PIK3CB: variants seen among roughly 807,000 people sequenced by gnomAD.
PIK3CB encodes phosphatidylinositol-4,5-bisphosphate 3-kinase catalytic subunit beta.
A neutral mutation model predicts 136.8 loss-of-function variants in PIK3CB; 39 were observed. The observed-to-expected ratio is 0.29, with a 90% CI of 0.22 to 0.37. The LOEUF (loss-of-function observed/expected upper bound fraction) is 0.37, where lower values mean the gene tolerates loss of function less well. Ranked by LOEUF, PIK3CB falls within the 10% of genes least tolerant of loss-of-function variation. The pLI, the probability that PIK3CB is intolerant of heterozygous loss-of-function variation, is 1.00. For synonymous variants in PIK3CB, 428 were observed against 436.6 expected (o/e 0.98, Z 0.25); for missense variants, 868 against 1,275.4 (o/e 0.68, Z 4.87).
intron 1 of PIK3CB, among the ~76,000 whole-genome samples, chr3:138,821,441 T>C (rs1054938191): frequency 7.3e-5 from 11 of 151,270 alleles, no homozygotes; most frequent in Non-Finnish European, 1.6e-4. Flanking sequence ...TATTAGACAA[T>C]ACTTGTGAGC....
intron 16 of PIK3CB, among the ~76,000 whole-genome samples, chr3:138,687,835 C>T (rs1348967012): frequency 6.6e-6 from 1 of 151,970 alleles, no homozygotes; most frequent in Non-Finnish European, 1.5e-5. Flanking sequence ...ACACGGGGTA[C>T]AATTTAGATA....
At chr3:138,780,533 T>C (rs538954529) in intron 2 of PIK3CB, among the ~76,000 whole-genome samples, 2 of 152,374 alleles carry the variant, frequency 1.3e-5, no homozygotes, top group Non-Finnish European at 2.9e-5. Context: ...CCTCCCAAAG[T>C]GCTAGGATTA....
chr3:138,711,352 G>T (rs551428843), intron 10 of PIK3CB, among the ~76,000 whole-genome samples: 1 of 152,086 alleles, frequency 6.6e-6, no homozygotes, highest in East Asian at 1.9e-4. Context: ...GGCCGAGGTG[G>T]GCGGATCACC....
chr3:138,834,291 C>T (rs1934171578), intron 1 of PIK3CB, among the ~76,000 whole-genome samples: 1 of 152,264 alleles, frequency 6.6e-6, no homozygotes, highest in Non-Finnish European at 1.5e-5. Flanking sequence ...CTGAAATACA[C>T]TTCTGCGCAA....
chr3:138,658,947 G>C (rs559466933), intron 21 of PIK3CB, among the ~76,000 whole-genome samples: 1 of 152,132 alleles, frequency 6.6e-6, no homozygotes, highest in Non-Finnish European at 1.5e-5. Flanking sequence ...GTTGTTCTCC[G>C]GTGTTGCTGC....
At chr3:138,669,179 A>T (rs138394275) in intron 19 of PIK3CB, among the ~76,000 whole-genome samples, 2,131 of 152,236 alleles carry the variant, frequency 0.014, 45 homozygotes, top group Middle Eastern at 0.048. Flanking sequence ...TGGGAGGCCA[A>T]GGTGGGCGGA....
intron 19 of PIK3CB, among the ~76,000 whole-genome samples, chr3:138,667,838 A>G (rs1048577170): frequency 2.6e-5 from 4 of 151,836 alleles, no homozygotes; most frequent in African/African-American, 9.7e-5. Context: ...TGGCCGAGGC[A>G]GGTGGATCAC....
chr3:138,801,964 T>C (rs2046181611), intron 1 of PIK3CB, among the ~76,000 whole-genome samples: 2 of 151,496 alleles, frequency 1.3e-5, no homozygotes, highest in Non-Finnish European at 2.9e-5. Context: ...ATGGGTCACC[T>C]GAGCATAGTT....
At chr3:138,673,682 AACACACACACACGTACACACACACAT>A (rs1013316997) in intron 19 of PIK3CB, among the ~76,000 whole-genome samples, 7 of 151,984 alleles carry the variant, frequency 4.6e-5, no homozygotes, top group African/African-American at 1.2e-4. Context: ...GTTTATTTAA[AACACACACACACGTACACACACACAT>A]ACACACACAC....
chr3:138,822,583 C>T (rs1036657285), intron 1 of PIK3CB, among the ~76,000 whole-genome samples: 2 of 150,764 alleles, frequency 1.3e-5, no homozygotes, highest in African/African-American at 2.4e-5. Flanking sequence ...CAGCCAGGTA[C>T]GGTGGCTCAA....
Position 138,772,468 on chromosome 3 carries a change from A to T in PIK3CB, c.-16-13109T>A, listed in dbSNP as rs146503723. 7.9e-3 allele frequency among the ~76,000 whole-genome samples: 1,201 copies of T among 151,612 alleles called. 18 individuals carry two copies. The highest frequency in any genetic ancestry group is 0.027 in the African/African-American group (1,114 of 41,362). On this transcript the variant is annotated intron_variant, in intron 2 of 23. Transcript: ENST00000674063. ...AAAAATTATTTTATTTTATTTATTT[A>T]TTTTTTTGAGACAGGGTCTTACTCT...
At chr3:138,692,590 T>C (rs2044032382) in intron 14 of PIK3CB, among the ~76,000 whole-genome samples, 1 of 152,186 alleles carries the variant, frequency 6.6e-6, no homozygotes, top group Non-Finnish European at 1.5e-5. Context: ...AAATAGAAAG[T>C]ATAGGAATAG....
At chr3:138,778,337 G>A (rs2045884091) in intron 2 of PIK3CB, 3 of 339,304 alleles carry the variant, frequency 8.8e-6, no homozygotes, top group South Asian at 2.3e-5. Flanking sequence ...CATCATGGGA[G>A]GAATCATGAC....
chr3:138,681,109 C>CA (rs2043770767), intron 19 of PIK3CB, among the ~76,000 whole-genome samples: 2 of 142,486 alleles, frequency 1.4e-5, no homozygotes, highest in African/African-American at 5.3e-5. Flanking sequence ...TGTAGTGGTG[C>CA]AATCTCTGTT....
At position 138,797,972 on chromosome 3, in the gene PIK3CB, A is replaced by T. The variant is rs548567347; in HGVS notation, c.-121-1405T>A. 1.5e-4 allele frequency among the ~76,000 whole-genome samples: 23 copies of T among 152,212 alleles called. 2 individuals are homozygous for T. In the South Asian group the frequency reaches 4.8e-3, roughly 32 times the overall value. On this transcript the variant is annotated intron_variant, in intron 1 of 23. Coordinates refer to ENST00000674063, the MANE Select transcript of PIK3CB (RefSeq NM_006219.3). The stretch of plus-strand genomic sequence containing the variant: ...TGTCTCAAAAAAAAAGAAAAAGGAA[A>T]AAAATCCTATATACTCTATGGAAAG...
intron 2 of PIK3CB, among the ~76,000 whole-genome samples, chr3:138,792,347 A>T (rs1576416526): frequency 6.6e-6 from 1 of 151,762 alleles, no homozygotes; most frequent in South Asian, 2.1e-4. Flanking sequence ...AGGTATTATA[A>T]TTTTTTTCAT....
At chr3:138,821,198 C>T (rs2108900821) in intron 1 of PIK3CB, among the ~76,000 whole-genome samples, 2 of 151,960 alleles carry the variant, frequency 1.3e-5, no homozygotes, top group East Asian at 3.9e-4. Flanking sequence ...GGCAGGAGAT[C>T]CCTTGAACCC....
chr3:138,673,878 T>C (rs557039114), intron 19 of PIK3CB, among the ~76,000 whole-genome samples: 59 of 152,328 alleles, frequency 3.9e-4, no homozygotes, highest in African/African-American at 1.3e-3. Context: ...CTTCAAAGCC[T>C]GATTCCCACA....
intron 8 of PIK3CB, among the ~76,000 whole-genome samples, chr3:138,725,251 G>A (rs773368758): frequency 6.6e-6 from 1 of 152,114 alleles, no homozygotes; most frequent in Admixed American, 6.5e-5. Context: ...AATAGATAAG[G>A]AGTCCTGAGA....
Sources: gnomAD v4.1 joint callset for allele counts (sites outside exome capture counted in the v4.1 genomes callset) on GRCh38, gnomAD v4.1.1 for gene constraint, MANE v1.5 for transcripts, NCBI Gene and HGNC (gene_info 2026-07-23, HGNC 2026-07-21) for gene names.